LCA5: variants seen among roughly 807,000 people sequenced by gnomAD.
The protein encoded by LCA5 is lebercilin LCA5.
Under a neutral mutation model 53.0 loss-of-function variants are expected in LCA5, and 37 were observed. That is an observed-to-expected ratio of 0.70 (90% CI 0.54 to 0.92). LCA5 has a LOEUF of 0.92. Ranked by LOEUF, LCA5 falls within the 40% of genes least tolerant of loss-of-function variation. LCA5 has a pLI of 0.00. For missense variants in LCA5, 806 were observed against 790.5 expected, an observed-to-expected ratio of 1.02 and a Z score of -0.23; for synonymous variants, 303 against 282.9, an observed-to-expected ratio of 1.07 and a Z score of -0.71.
intron 3 of LCA5, among the ~76,000 whole-genome samples, chr6:79,508,414 C>A (rs1471434048): frequency 1.3e-5 from 2 of 152,110 alleles, no homozygotes; most frequent in Non-Finnish European, 2.9e-5. Context: ...GGCTGATGTC[C>A]TGGCGAAGTT....
At position 79,485,488 on chromosome 6, in the gene LCA5, G is replaced by A. The variant is rs1769624606; in HGVS notation, c.*1516C>T. On this transcript the variant is annotated 3_prime_UTR_variant, in exon 8 of 8. Transcript: ENST00000369846. ...TCTATTAAGAAAACTTTTTAATATA[G>A]TTTAGCACTTTTGAGAGATTCTGTT... is the stretch of plus-strand genomic sequence containing the variant. The A allele has an allele frequency of 1.3e-5, 2 of 152,426 alleles. No individual in the cohort carries two copies. The highest frequency in any genetic ancestry group is 4.8e-5 in the African/African-American group (2 of 41,406). The allele number at this position is 152,426 out of a possible 1,614,324, so 9.4% of individuals were successfully genotyped here. A position where few individuals can be genotyped will look rare whatever the true frequency, so the allele number is the denominator to read the frequency against.
chr6:79,526,983 G>T (rs888688430), intron 1 of LCA5, among the ~76,000 whole-genome samples: 7 of 152,090 alleles, frequency 4.6e-5, no homozygotes, highest in African/African-American at 1.7e-4. Context: ...AGGTTAAAAG[G>T]ACTTCTAACT....
chr6:79,535,454 C>A (rs1454504754), intron 1 of LCA5, among the ~76,000 whole-genome samples: 1 of 152,038 alleles, frequency 6.6e-6, no homozygotes, highest in African/African-American at 2.4e-5. Context: ...GGAACTGATT[C>A]CAGAAATGTT....
At chr6:79,503,050 T>G (rs755036630) in intron 3 of LCA5, among the ~76,000 whole-genome samples, 4 of 151,902 alleles carry the variant, frequency 2.6e-5, no homozygotes, top group South Asian at 2.1e-4. Flanking sequence ...CATGATTAAT[T>G]TTTGTATTTT....
intron 1 of LCA5, among the ~76,000 whole-genome samples, chr6:79,527,044 C>G (rs1381468742): frequency 6.6e-6 from 1 of 152,156 alleles, no homozygotes; most frequent in Non-Finnish European, 1.5e-5. Context: ...CTCATGATTT[C>G]CACTTCTAGC....
intron 4 of LCA5, 97 bp downstream of exon 4, chr6:79,493,516 C>T: frequency 8.7e-7 from 1 of 1,149,096 alleles, no homozygotes; most frequent in Non-Finnish European, 1.3e-6. Flanking sequence ...TTATATTGTA[C>T]CAACTTACAA....
At chr6:79,520,827 G>A (rs1766603038) in intron 1 of LCA5, among the ~76,000 whole-genome samples, 1 of 152,134 alleles carries the variant, frequency 6.6e-6, no homozygotes, top group African/African-American at 2.4e-5. Context: ...ACAGAGAAAA[G>A]AAAGATGGAA....
In LCA5 at chr6:79,534,671, T is replaced by C. The variant is rs1375332693; in HGVS notation, c.-192+2494A>G. 2.6e-5 allele frequency among the ~76,000 whole-genome samples: 4 copies of C among 152,156 alleles called. No individual in the cohort carries two copies. In the East Asian group the frequency reaches 7.7e-4, roughly 29 times the overall value. On this transcript the variant is annotated intron_variant, in intron 1 of 7. Coordinates refer to ENST00000369846, the MANE Select transcript of LCA5 (RefSeq NM_001122769.3). ...AGTTTGAGAAGGTTTCTAGAGGAGA[T>C]AATGCCTAAATTGAGTCTTACGGTA...
chr6:79,510,598 C>T (rs953740768), intron 3 of LCA5, among the ~76,000 whole-genome samples: 1 of 152,114 alleles, frequency 6.6e-6, no homozygotes, highest in Non-Finnish European at 1.5e-5. Flanking sequence ...TGAACCACAT[C>T]AAAATTAAAA....
chr6:79,501,900 A>G lies in LCA5; in HGVS notation c.721-8150T>C, dbSNP rs1473139072. 2.0e-5 allele frequency among the ~76,000 whole-genome samples: 3 copies of G among 151,728 alleles called. No homozygotes were observed. In the South Asian group the frequency reaches 6.2e-4, roughly 31 times the overall value. On this transcript the variant is annotated intron_variant, in intron 3 of 7. Coordinates refer to ENST00000369846, the MANE Select transcript of LCA5 (RefSeq NM_001122769.3). Reference sequence around the variant, plus strand: ...AACAGTATAGTATGTAGTATAGAATACAGATGTATAATATATAGTATATAC... The same window carrying G: ...AACAGTATAGTATGTAGTATAGAATGCAGATGTATAATATATAGTATATAC...
intron 1 of LCA5, among the ~76,000 whole-genome samples, chr6:79,536,690 C>T (rs1767135960): frequency 1.3e-5 from 2 of 152,228 alleles, no homozygotes; most frequent in Admixed American, 1.3e-4. Context: ...AATAATAACA[C>T]ATCTATTATT....
At chr6:79,525,724 T>G (rs1043929936) in intron 1 of LCA5, among the ~76,000 whole-genome samples, 1 of 152,208 alleles carries the variant, frequency 6.6e-6, no homozygotes, top group Non-Finnish European at 1.5e-5. Flanking sequence ...CCGGATTAGA[T>G]CCGGAGGACC....
At position 79,491,717 on chromosome 6, in the gene LCA5, AC is replaced by A; in HGVS notation, c.968del (p.Ser323MetfsTer24). 2 of 1,612,778 alleles carry A rather than the reference AC, an allele frequency of 1.2e-6. No homozygotes were observed. Among genetic ancestry groups the A allele is most frequent in the Non-Finnish European group, 8.5e-7 (1 of 1,179,116 alleles). Reference protein sequence around the residue: ...LALRKNAACQSDFADLCTKGV... With the variant: ...LALRKNAACQXDFADLCTKGV... ...CTTTTGTACACAGGTCTGCAAAATC[AC>A]TCTGGCATGCAGCTACAGTGAAAAT... is the stretch of plus-strand genomic sequence containing the variant. On this transcript the variant is annotated frameshift_variant, in exon 6 of 8. Coordinates refer to ENST00000369846, the MANE Select transcript of LCA5 (RefSeq NM_001122769.3). LOFTEE classifies it high-confidence loss of function.
chr6:79,538,037 T>TG (rs1767210910), upstream of LCA5, among the ~76,000 whole-genome samples: 1 of 139,096 alleles, frequency 7.2e-6, no homozygotes, highest in Non-Finnish European at 1.5e-5. Flanking sequence ...TTTTTTTTTT[T>TG]TTTTTTTTTT....
At chr6:79,494,612 C>T (rs1769930719) in intron 3 of LCA5, among the ~76,000 whole-genome samples, 1 of 151,856 alleles carries the variant, frequency 6.6e-6, no homozygotes, top group Non-Finnish European at 1.5e-5. Flanking sequence ...TAATCACTGC[C>T]AACATTTTGA....
At chr6:79,536,333 A>T (rs1294274728) in intron 1 of LCA5, among the ~76,000 whole-genome samples, 7 of 152,192 alleles carry the variant, frequency 4.6e-5, no homozygotes, top group Admixed American at 2.0e-4. Context: ...CTAAATGATG[A>T]CTTCTGATTG....
rs369137749 is a variant in LCA5 at position 79,494,041 on chromosome 6, G to A, written c.721-291C>T. Among the ~76,000 whole-genome samples the A allele has an allele frequency of 2.2e-4, 33 of 152,190 alleles. No individual in the cohort carries two copies. The South Asian group carries it at 6.9e-3, about 32-fold the overall frequency. ...GTGCTTTGAGAGGCCTAGGCAGGAG[G>A]AGCTCTTGAGACCAGCCTAGACAAC... is the stretch of plus-strand genomic sequence containing the variant. On this transcript the variant is annotated intron_variant, in intron 3 of 7. Coordinates refer to ENST00000369846, the MANE Select transcript of LCA5 (RefSeq NM_001122769.3).
At chr6:79,494,118 G>A (rs1769916051) in intron 3 of LCA5, among the ~76,000 whole-genome samples, 1 of 152,056 alleles carries the variant, frequency 6.6e-6, no homozygotes, top group Admixed American at 6.6e-5. Context: ...AGCTGGGCAT[G>A]GTGGTGCATG....
In LCA5 at chr6:79,487,282, C is replaced by T. The variant is rs1769691418; in HGVS notation, c.1816G>A (p.Glu606Lys). ...CTACCACTGGCACCAAATAACTGTT[C>T]CATCAAATTAGCTTTTTTCTCTTTT... ...TRKEKKANLM[E>K]QLFGASGSST... The change falls in exon 8 of 8, where the codon GAA becomes AAA. Residue 606 changes from glutamate to lysine, a missense_variant. Transcript: ENST00000369846. 1 of 1,614,040 alleles carries T rather than the reference C, an allele frequency of 6.2e-7. No individual in the cohort carries two copies. Among genetic ancestry groups the T allele is most frequent in the Non-Finnish European group, 8.5e-7 (1 of 1,179,934 alleles).
Sources: allele counts gnomAD v4.1 joint callset (sites outside exome capture counted in the v4.1 genomes callset), GRCh38; gene constraint gnomAD v4.1.1; transcripts MANE v1.5; gene names NCBI Gene and HGNC (gene_info 2026-07-23, HGNC 2026-07-21).